PTPRN2: variants seen among roughly 807,000 people sequenced by gnomAD.
PTPRN2 encodes receptor-type tyrosine-protein phosphatase N2.
A neutral mutation model predicts 118.8 loss-of-function variants in PTPRN2; 74 were observed. That is an observed-to-expected ratio of 0.62 (90% CI 0.52 to 0.76). The LOEUF is 0.76. Among genes scored for constraint, PTPRN2 ranks in the 30% least tolerant of loss-of-function variants. The pLI is 0.00. For synonymous variants in PTPRN2, 641 were observed against 608.0 expected (o/e 1.05, Z -0.80); for missense variants, 1,481 against 1,394.4 (o/e 1.06, Z -0.99).
intron 9 of PTPRN2, among the ~76,000 whole-genome samples, chr7:158,123,996 G>C (rs1044428139): frequency 1.3e-5 from 2 of 152,140 alleles, no homozygotes; most frequent in African/African-American, 2.4e-5. Context: ...ATCCCGTGCC[G>C]ACCCAGGCGG....
chr7:158,479,709 G>A (rs2129444835), intron 2 of PTPRN2, among the ~76,000 whole-genome samples: 1 of 152,350 alleles, frequency 6.6e-6, no homozygotes, highest in African/African-American at 2.4e-5. Flanking sequence ...AAATGCTGAG[G>A]CCACATGGCG....
At chr7:157,706,094 C>T (rs1040022438) in intron 12 of PTPRN2, among the ~76,000 whole-genome samples, 9 of 151,782 alleles carry the variant, frequency 5.9e-5, no homozygotes. Flanking sequence ...GTCCCAGGTG[C>T]CTTCCGGATT....
chr7:157,885,205 T>C (rs1563207227), intron 12 of PTPRN2, among the ~76,000 whole-genome samples: 1 of 152,116 alleles, frequency 6.6e-6, no homozygotes, highest in African/African-American at 2.4e-5. Context: ...ATGGAAAATG[T>C]GATGCCAGGG....
chr7:158,151,317 A>G lies in PTPRN2; in HGVS notation c.911-12802T>C, dbSNP rs80107604. Reference sequence around the variant, plus strand: ...CTGCCTCTCCCTGCCCACACCGCCCACCTTCTATTCCTGCCTCTCCCTGCC... The same window carrying G: ...CTGCCTCTCCCTGCCCACACCGCCCGCCTTCTATTCCTGCCTCTCCCTGCC... On this transcript the variant is annotated intron_variant, in intron 6 of 22. Coordinates refer to ENST00000389418, the MANE Select transcript of PTPRN2 (RefSeq NM_002847.5). Among the ~76,000 whole-genome samples the G allele has an allele frequency of 6.7e-3, 7 of 1,038 alleles. 1 individual carries two copies. Among genetic ancestry groups the G allele is most frequent in the African/African-American group, 0.024 (2 of 82 alleles). 0.7% of individuals were successfully genotyped at this position (1,038 alleles called of 152,430 possible).
chr7:157,615,570 C>T lies in PTPRN2; in HGVS notation c.2344+5792G>A, dbSNP rs748348381. On this transcript the variant is annotated intron_variant, in intron 15 of 22. Transcript: ENST00000389418. The surrounding 1 kb of genome is among the most constrained non-coding windows in gnomAD (Gnocchi z 4.3). ...GAAACAATCTCAGCCCTGGAACCAG[C>T]GCCTGGGAAGTCCCGCGGTGGATCC... is the stretch of plus-strand genomic sequence containing the variant. The T allele has an allele frequency of 1.3e-4, 63 of 471,120 alleles. 1 individual carries two copies. Among genetic ancestry groups the T allele is most frequent in the Non-Finnish European group, 1.7e-4 (38 of 227,078 alleles). 29.2% of individuals were successfully genotyped at this position (471,120 alleles called of 1,614,324 possible).
rs151192644 is a variant in PTPRN2 at position 157,872,039 on chromosome 7, G to GT, written c.1788+26633_1788+26634insA. ...TCCTCCCCACACACACATACCCAGC[G>GT]CCTCCCCACACACACCCAGTGTCCT... On this transcript the variant is annotated intron_variant, in intron 12 of 22. Transcript: ENST00000389418. Among the ~76,000 whole-genome samples, 71 of 99,544 alleles carry GT rather than the reference G, an allele frequency of 7.1e-4. No homozygotes were observed. In the East Asian group the frequency reaches 0.012, roughly 17 times the overall value. The allele number at this position is 99,544 out of a possible 152,430, so 65.3% of individuals were successfully genotyped here.
chr7:158,531,801 C>T (rs919206049), intron 1 of PTPRN2, among the ~76,000 whole-genome samples: 32 of 152,192 alleles, frequency 2.1e-4, no homozygotes, highest in African/African-American at 7.0e-4. Flanking sequence ...ATAGAAAGAA[C>T]GTGGTGAACA....
In PTPRN2 at chr7:158,319,537, A is replaced by ACG. The variant is rs1235535006; in HGVS notation, c.164-2606_164-2605insCG. Among the ~76,000 whole-genome samples the ACG allele has an allele frequency of 7.6e-5, 9 of 118,580 alleles. 1 individual carries two copies. Among genetic ancestry groups the ACG allele is most frequent in the African/African-American group, 2.0e-4 (6 of 30,290 alleles). The allele number at this position is 118,580 out of a possible 152,430, so 77.8% of individuals were successfully genotyped here. A position where few individuals can be genotyped will look rare whatever the true frequency, so the allele number is the denominator to read the frequency against. On this transcript the variant is annotated intron_variant, in intron 2 of 22. Coordinates refer to ENST00000389418, the MANE Select transcript of PTPRN2 (RefSeq NM_002847.5). ...CACACACAGCCTCCCTCACACACAC[A>ACG]GCCTCCCTCACACACACACGGTCTC...
chr7:158,229,989 C>T (rs928639736), intron 3 of PTPRN2, among the ~76,000 whole-genome samples: 1 of 151,162 alleles, frequency 6.6e-6, no homozygotes, highest in Middle Eastern at 3.4e-3. Flanking sequence ...ATCCTAAAAG[C>T]AGCAAGAGAA....
Position 158,183,531 on chromosome 7 carries a change from G to A in PTPRN2, c.549+8796C>T, listed in dbSNP as rs145873534. Among the ~76,000 whole-genome samples, 667 of 152,302 alleles carry A rather than the reference G, an allele frequency of 4.4e-3. 2 individuals carry two copies. Among genetic ancestry groups the A allele is most frequent in the Non-Finnish European group, 6.6e-3 (449 of 68,032 alleles). On this transcript the variant is annotated intron_variant, in intron 5 of 22. Transcript: ENST00000389418. ...CCGTGGCCACTGACTGAGTTGGTTG[G>A]CAGACTTCCGCAAGGTCCCCTGTGA...
chr7:157,851,858 G>A (rs544680207), intron 12 of PTPRN2, among the ~76,000 whole-genome samples: 1 of 152,336 alleles, frequency 6.6e-6, no homozygotes, highest in African/African-American at 2.4e-5. Context: ...AAGCCTCAGC[G>A]CTCCCGCGCC....
chr7:158,071,526 A>G (rs115685233), intron 11 of PTPRN2, among the ~76,000 whole-genome samples: 23,808 of 61,324 alleles, frequency 0.39, 2,103 homozygotes, highest in African/African-American at 0.47. Context: ...GGTGGTGGAG[A>G]TGCTCGTGAT....
At chr7:158,587,454 A>T (rs1829037630) in intron 1 of PTPRN2, 104 bp downstream of exon 1, 1 of 246,210 alleles carries the variant, frequency 4.1e-6, no homozygotes, top group Non-Finnish European at 4.5e-6. Context: ...CCGACCCCTC[A>T]GGGTGGCGCC....
intron 11 of PTPRN2, among the ~76,000 whole-genome samples, chr7:158,070,957 TGGA>T (rs1563388635): frequency 6.0e-5 from 6 of 100,780 alleles, no homozygotes; most frequent in African/African-American, 2.3e-4. Context: ...CCCGTGGTGG[TGGA>T]GGTGCTCACG....
chr7:157,900,117 A>G (rs1797357026), intron 11 of PTPRN2, among the ~76,000 whole-genome samples: 1 of 152,216 alleles, frequency 6.6e-6, no homozygotes, highest in African/African-American at 2.4e-5. Context: ...AGGGTCAGGA[A>G]TGAAAACGGC....
chr7:158,329,829 T>C (rs535999552), intron 2 of PTPRN2, among the ~76,000 whole-genome samples: 28 of 152,168 alleles, frequency 1.8e-4, no homozygotes, highest in Non-Finnish European at 2.9e-4. Flanking sequence ...GGCTGTGTCC[T>C]CTACGGAGAC....
intron 6 of PTPRN2, among the ~76,000 whole-genome samples, chr7:158,144,474 C>A (rs1819700570): frequency 1.3e-5 from 2 of 152,208 alleles, no homozygotes; most frequent in South Asian, 4.1e-4. Flanking sequence ...TCCATCTCTA[C>A]TAAAAATACC....
chr7:157,617,546 C>T lies in PTPRN2; in HGVS notation c.2344+3816G>A, dbSNP rs1003594593. On this transcript the variant is annotated intron_variant, in intron 15 of 22. Coordinates refer to ENST00000389418, the MANE Select transcript of PTPRN2 (RefSeq NM_002847.5). This position sits in a 1 kb window ranked among gnomAD's most constrained non-coding sequence, Gnocchi z 7.5. ...GCGCAGAGCACGGGGGATGCTGGCT[C>T]ACGATGCCCCAGTGATGCCATGGTT... The T allele has an allele frequency of 6.6e-6, 1 of 152,394 alleles. No individual in the cohort carries two copies. The highest frequency in any genetic ancestry group is 2.4e-5 in the African/African-American group (1 of 41,456). The allele number at this position is 152,394 out of a possible 1,614,324, so 9.4% of individuals were successfully genotyped here. A position where few individuals can be genotyped will look rare whatever the true frequency, so the allele number is the denominator to read the frequency against.
intron 1 of PTPRN2, among the ~76,000 whole-genome samples, chr7:158,580,693 G>C (rs1393487649): frequency 6.6e-6 from 1 of 152,126 alleles, no homozygotes; most frequent in Non-Finnish European, 1.5e-5. Flanking sequence ...CCCTTATTCT[G>C]AAGTGGGTTT....
Sources: allele counts gnomAD v4.1 joint callset (sites outside exome capture counted in the v4.1 genomes callset), GRCh38; gene constraint gnomAD v4.1.1; non-coding constraint Gnocchi (gnomAD v3.1); transcripts MANE v1.5; gene names NCBI Gene and HGNC (gene_info 2026-07-23, HGNC 2026-07-21).